PCDH9: variants seen among roughly 807,000 people sequenced by gnomAD.
The protein encoded by PCDH9 is protocadherin-9.
PCDH9 carries 24 observed loss-of-function variants against 70.6 expected under a neutral mutation model. That is an observed-to-expected ratio of 0.34 (90% CI 0.25 to 0.48). The LOEUF (loss-of-function observed/expected upper bound fraction) is 0.48, where lower values mean the gene tolerates loss of function less well. Among genes scored for constraint, PCDH9 ranks in the 20% least tolerant of loss-of-function variants. The pLI is 0.99. For synonymous variants in PCDH9, 562 were observed against 558.5 expected (o/e 1.01, Z -0.09); for missense variants, 1,281 against 1,503.6 (o/e 0.85, Z 2.45).
At chr13:66,565,973 C>A (rs2076646839) in intron 4 of PCDH9, among the ~76,000 whole-genome samples, 1 of 152,016 alleles carries the variant, frequency 6.6e-6, no homozygotes, top group Admixed American at 6.6e-5. Flanking sequence ...ACAAGAAATT[C>A]TTAGTTTGTA....
intron 4 of PCDH9, among the ~76,000 whole-genome samples, chr13:66,486,901 C>T (rs1010620160): frequency 1.3e-5 from 2 of 152,008 alleles, no homozygotes; most frequent in Non-Finnish European, 2.9e-5. Context: ...AGTGGTAGTG[C>T]AATTTCAGAA....
intron 2 of PCDH9, among the ~76,000 whole-genome samples, chr13:67,026,083 T>A (rs2084774730): frequency 2.0e-5 from 3 of 152,162 alleles, no homozygotes; most frequent in Admixed American, 2.0e-4. Flanking sequence ...AGTGTACACA[T>A]CTGCATCTAT....
chr13:66,849,083 G>C (rs2081265229), intron 3 of PCDH9, among the ~76,000 whole-genome samples: 1 of 151,964 alleles, frequency 6.6e-6, no homozygotes, highest in South Asian at 2.1e-4. Context: ...TTCCTTTGTA[G>C]CAACTTTTAT....
intron 2 of PCDH9, among the ~76,000 whole-genome samples, chr13:67,116,485 T>C (rs1288087362): frequency 6.6e-6 from 1 of 152,180 alleles, no homozygotes; most frequent in Non-Finnish European, 1.5e-5. Flanking sequence ...TTGAAATATC[T>C]GCTAAATTAA....
chr13:66,573,846 C>T (rs1280112696), intron 4 of PCDH9, among the ~76,000 whole-genome samples: 1 of 152,070 alleles, frequency 6.6e-6, no homozygotes, highest in Non-Finnish European at 1.5e-5. Flanking sequence ...AATCCCAAAC[C>T]ATCCCACTAT....
intron 4 of PCDH9, among the ~76,000 whole-genome samples, chr13:66,594,692 T>C (rs965449114): frequency 2.0e-5 from 3 of 151,448 alleles, no homozygotes; most frequent in Non-Finnish European, 3.0e-5. Context: ...GTGTGTGTTG[T>C]TCCCCTCCCT....
At chr13:66,661,295 T>C (rs937355370) in intron 3 of PCDH9, among the ~76,000 whole-genome samples, 1 of 152,232 alleles carries the variant, frequency 6.6e-6, no homozygotes, top group Non-Finnish European at 1.5e-5. Flanking sequence ...ATATGAGTTC[T>C]AGTGCTAGGA....
At chr13:66,985,448 A>G (rs2083872042) in intron 2 of PCDH9, 1 of 152,104 alleles carries the variant, frequency 6.6e-6, no homozygotes, top group Non-Finnish European at 1.5e-5. Flanking sequence ...AGTATAGTAC[A>G]TTGTATATAC....
rs2139185914 is a variant in PCDH9 at position 66,735,897 on chromosome 13, G to C, written c.3139-104486C>G. Among the ~76,000 whole-genome samples, 2 of 152,108 alleles carry C rather than the reference G, an allele frequency of 1.3e-5. 1 individual carries two copies. Among genetic ancestry groups the C allele is most frequent in the South Asian group, 4.2e-4 (2 of 4,818 alleles). On this transcript the variant is annotated intron_variant, in intron 3 of 4. Coordinates refer to ENST00000377865, the MANE Select transcript of PCDH9 (RefSeq NM_203487.3). Reference sequence around the variant, plus strand: ...AAGAATTGCTTGAATCCAGGAGGCAGAGGTTGCAGTGAGCTGAGATTGTGC... The same window carrying C: ...AAGAATTGCTTGAATCCAGGAGGCACAGGTTGCAGTGAGCTGAGATTGTGC...
At chr13:66,580,385 G>A (rs2076873809) in intron 4 of PCDH9, among the ~76,000 whole-genome samples, 1 of 151,782 alleles carries the variant, frequency 6.6e-6, no homozygotes, top group South Asian at 2.1e-4. Flanking sequence ...ATTCTGTCTG[G>A]CACCTGGGAA....
chr13:66,561,759 A>C (rs899320640), intron 4 of PCDH9, among the ~76,000 whole-genome samples: 2 of 152,094 alleles, frequency 1.3e-5, no homozygotes, highest in Non-Finnish European at 2.9e-5. Context: ...CGCACCAATC[A>C]GCGCCCTGTC....
chr13:66,650,940 G>A (rs1472697462), intron 3 of PCDH9, among the ~76,000 whole-genome samples: 1 of 151,938 alleles, frequency 6.6e-6, no homozygotes. Context: ...TGACCAGGGG[G>A]TGAGTGAAGA....
intron 2 of PCDH9, among the ~76,000 whole-genome samples, chr13:67,184,474 A>G (rs542780696): frequency 1.3e-5 from 2 of 152,316 alleles, no homozygotes; most frequent in Non-Finnish European, 2.9e-5. Context: ...CATGCTTGTA[A>G]TCACAGAACT....
At chr13:66,833,490 C>T (rs982757031) in intron 3 of PCDH9, among the ~76,000 whole-genome samples, 1 of 152,114 alleles carries the variant, frequency 6.6e-6, no homozygotes, top group Admixed American at 6.5e-5. Context: ...TGGTACATAA[C>T]ATTCTATGTT....
intron 2 of PCDH9, among the ~76,000 whole-genome samples, chr13:67,056,916 T>C (rs1037421998): frequency 1.3e-5 from 2 of 152,166 alleles, no homozygotes; most frequent in Admixed American, 6.6e-5. Flanking sequence ...CAAATTTATA[T>C]ACACTATGCA....
intron 2 of PCDH9, chr13:67,222,983 T>G (rs2089766181): frequency 6.6e-6 from 1 of 152,158 alleles, no homozygotes; most frequent in South Asian, 2.1e-4. Flanking sequence ...GACTTCTATC[T>G]CTTTTCTCCA....
chr13:66,575,141 C>A (rs754410680), intron 4 of PCDH9, among the ~76,000 whole-genome samples: 4 of 151,982 alleles, frequency 2.6e-5, no homozygotes, highest in Admixed American at 6.6e-5. Flanking sequence ...CCATTGCACT[C>A]CAGCCAGGGT....
chr13:66,406,522 C>CA (rs1207763348), intron 4 of PCDH9, among the ~76,000 whole-genome samples: 1 of 151,998 alleles, frequency 6.6e-6, no homozygotes, highest in African/African-American at 2.4e-5. Flanking sequence ...ACATAAACTT[C>CA]AAAAAAGTGA....
intron 4 of PCDH9, among the ~76,000 whole-genome samples, chr13:66,500,967 G>A (rs537563428): frequency 6.6e-6 from 1 of 152,064 alleles, no homozygotes; most frequent in Non-Finnish European, 1.5e-5. Context: ...GAAGAGCTCA[G>A]ATCTGAAATA....
Sources: allele counts gnomAD v4.1 joint callset (sites outside exome capture counted in the v4.1 genomes callset), GRCh38; gene constraint gnomAD v4.1.1; transcripts MANE v1.5; gene names NCBI Gene and HGNC (gene_info 2026-07-23, HGNC 2026-07-21).